PPM1K: variants seen among roughly 807,000 people sequenced by gnomAD.
PPM1K encodes the protein protein phosphatase Mn(2+)-dependent 1K.
In PPM1K, 19 loss-of-function variants were observed where a neutral mutation model predicts 32.6. That is an observed-to-expected ratio of 0.58 (90% CI 0.41 to 0.86). PPM1K has a LOEUF of 0.86. PPM1K is among the 40% of genes least tolerant of loss of function. The probability of loss-of-function intolerance (pLI) is 0.00; values close to 1 mark genes in which losing one functional copy is unlikely to be tolerated. For synonymous variants in PPM1K, 159 were observed against 165.3 expected, an observed-to-expected ratio of 0.96 and a Z score of 0.29; for missense variants, 362 against 461.2, an observed-to-expected ratio of 0.78 and a Z score of 1.97.
chr4:88,281,945 T>C (rs1439902398), intron 1 of PPM1K, among the ~76,000 whole-genome samples: 2 of 151,824 alleles, frequency 1.3e-5, no homozygotes, highest in African/African-American at 4.8e-5. Flanking sequence ...GTAGAACTTG[T>C]GATGTGAAAA....
chr4:88,279,869 T>C (rs529068574), intron 1 of PPM1K, among the ~76,000 whole-genome samples: 2 of 152,224 alleles, frequency 1.3e-5, no homozygotes, highest in Non-Finnish European at 2.9e-5. Flanking sequence ...GTTTAAATTA[T>C]TTCACAATAA....
chr4:88,264,993 TG>T lies in PPM1K; in HGVS notation c.987+7del. ...CTTGGGACTTTTCAGGCAGAAGCTC[TG>T]GGTCACCTGTTCAGTCACCGCATGG... On this transcript the variant is annotated splice_region_variant and intron_variant, in intron 6 of 6. Coordinates refer to ENST00000608933, the MANE Select transcript of PPM1K (RefSeq NM_152542.5). 6.2e-7 allele frequency: 1 copy of T among 1,613,866 alleles called. No individual in the cohort carries two copies. The highest frequency in any genetic ancestry group is 1.7e-4 in the Middle Eastern group (1 of 6,060).
intron 3 of PPM1K, 195 bp downstream of exon 3, chr4:88,276,948 G>A: frequency 1.5e-6 from 1 of 668,976 alleles, no homozygotes; most frequent in South Asian, 4.4e-5. Context: ...TCATTTAAAA[G>A]TGAGGTATTA....
Position 88,278,198 on chromosome 4 carries a change from T to G in PPM1K, c.386A>C (p.His129Pro), listed in dbSNP as rs1731862507. The G allele has an allele frequency of 1.2e-6, 2 of 1,614,122 alleles. No individual in the cohort carries two copies. Residue 129 changes from histidine (H) to proline (P), a missense_variant, in exon 2 of 7, where the codon CAC (histidine) becomes CCC (proline). Physicochemically the swap from His to Pro is moderately conservative, Grantham distance 77. Transcript: ENST00000608933. This position sits in a 1 kb window ranked among gnomAD's most constrained non-coding sequence, Gnocchi z 4.2. Reference sequence around the variant, plus strand: ...GAAATCAGCTGCTGCAGGTCCACCGTGTCCATCATACACTGCAAAGTACAG... The same window carrying G: ...GAAATCAGCTGCTGCAGGTCCACCGGGTCCATCATACACTGCAAAGTACAG... ...EVLYFAVYDG[H>P]GGPAAADFCH...
At chr4:88,270,655 C>T (rs1731524793) in intron 3 of PPM1K, among the ~76,000 whole-genome samples, 1 of 152,146 alleles carries the variant, frequency 6.6e-6, no homozygotes, top group African/African-American at 2.4e-5. Context: ...AAACCATCTA[C>T]AATAGTTTTC....
intron 1 of PPM1K, among the ~76,000 whole-genome samples, chr4:88,282,185 AT>A (rs1257844552): frequency 6.6e-6 from 1 of 152,208 alleles, no homozygotes; most frequent in East Asian, 1.9e-4. Context: ...TTTATAAACC[AT>A]TTTAACATTA....
rs190364060 is a variant in PPM1K at position 88,259,042 on chromosome 4, G to A, written c.*3553C>T. 2,722 of 151,444 alleles carry A rather than the reference G, an allele frequency of 0.018. 36 individuals carry two copies. Among genetic ancestry groups the A allele is most frequent in the East Asian group, 0.033 (169 of 5,150 alleles). 9.4% of individuals were successfully genotyped at this position (151,444 alleles called of 1,614,324 possible). A position where few individuals can be genotyped will look rare whatever the true frequency, so the allele number is the denominator to read the frequency against. On this transcript the variant is annotated 3_prime_UTR_variant, in exon 7 of 7. Transcript: ENST00000608933. ...GCGCAGCTTGCAGTGAGCCGAGATC[G>A]TGCCACTGCACTCCAGCCTGGGTGA...
chr4:88,275,037 G>T, intron 3 of PPM1K: 1 of 795,592 alleles, frequency 1.3e-6, no homozygotes, highest in South Asian at 5.8e-5. Flanking sequence ...GCATCATCTT[G>T]TCTTGCTCCA....
chr4:88,271,980 T>TC (rs1731574681), intron 3 of PPM1K, among the ~76,000 whole-genome samples: 1 of 152,140 alleles, frequency 6.6e-6, no homozygotes, highest in Non-Finnish European at 1.5e-5. Context: ...GCTCTCTCTT[T>TC]CCCCCAGTGT....
rs1731159322 is a variant in PPM1K, at chr4:88,262,577, C to CT, written c.*17dup. ...AGTGAAAAACTGTTGCACAGAAACT[C>CT]TAAGTCCCAGCTGGTAATCAGGCCC... is the stretch of plus-strand genomic sequence containing the variant. On this transcript the variant is annotated 3_prime_UTR_variant, in exon 7 of 7. Coordinates refer to ENST00000608933, the MANE Select transcript of PPM1K (RefSeq NM_152542.5). The CT allele has an allele frequency of 3.1e-6, 5 of 1,612,032 alleles. No individual in the cohort carries two copies. Among genetic ancestry groups the CT allele is most frequent in the Non-Finnish European group, 3.4e-6 (4 of 1,179,178 alleles).
intron 1 of PPM1K, among the ~76,000 whole-genome samples, chr4:88,280,484 G>A (rs1429434545): frequency 6.6e-6 from 1 of 152,216 alleles, no homozygotes; most frequent in Non-Finnish European, 1.5e-5. Flanking sequence ...AATTAACATG[G>A]CCGGACCCGG....
At chr4:88,273,963 T>C (rs1731665894) in intron 3 of PPM1K, among the ~76,000 whole-genome samples, 7 of 152,190 alleles carry the variant, frequency 4.6e-5, no homozygotes, top group Admixed American at 4.6e-4. Context: ...CACTGCCTCC[T>C]CAAGTTCATC....
intron 6 of PPM1K, among the ~76,000 whole-genome samples, chr4:88,263,942 T>A (rs531829938): frequency 3.3e-5 from 5 of 152,298 alleles, no homozygotes; most frequent in African/African-American, 1.2e-4. Context: ...AAAATAAACA[T>A]AAACTAAATT....
At position 88,259,068 on chromosome 4, in the gene PPM1K, CAGAG is replaced by C. The variant is rs1162129429; in HGVS notation, c.*3523_*3526del. On this transcript the variant is annotated 3_prime_UTR_variant, in exon 7 of 7. Transcript: ENST00000608933. ...TGCCACTGCACTCCAGCCTGGGTGA[CAGAG>C]AGAGACTCCTTCTCAAAAAAAAAAA... is the stretch of plus-strand genomic sequence containing the variant. 1 of 147,076 alleles carries C rather than the reference CAGAG, an allele frequency of 6.8e-6. No homozygotes were observed. The highest frequency in any genetic ancestry group is 2.1e-4 in the South Asian group (1 of 4,698). 9.1% of individuals were successfully genotyped at this position (147,076 alleles called of 1,614,324 possible).
intron 5 of PPM1K, 33 bp from the exon 6 acceptor site, chr4:88,265,168 G>T: frequency 6.2e-7 from 1 of 1,613,084 alleles, no homozygotes; most frequent in Non-Finnish European, 8.5e-7. Context: ...ATGATTATAA[G>T]CTAGACTCTG....
At position 88,260,208 on chromosome 4, in the gene PPM1K, C is replaced by A. The variant is rs1024780602; in HGVS notation, c.*2387G>T. 6.6e-6 allele frequency: 1 copy of A among 152,180 alleles called. No individual in the cohort carries two copies. Among genetic ancestry groups the A allele is most frequent in the East Asian group, 1.9e-4 (1 of 5,188 alleles). 9.4% of individuals were successfully genotyped at this position (152,180 alleles called of 1,614,324 possible). A position where few individuals can be genotyped will look rare whatever the true frequency, so the allele number is the denominator to read the frequency against. On this transcript the variant is annotated 3_prime_UTR_variant, in exon 7 of 7. Transcript: ENST00000608933. The stretch of plus-strand genomic sequence containing the variant: ...CTGGGATTACAGGCACCCACCACCA[C>A]GCCTGGCTAATTTTTGCATTTTTTG...
rs545262115 is a variant in PPM1K, at chr4:88,278,140, A to G, written c.440+4T>C. 1.2e-6 allele frequency: 2 copies of G among 1,609,492 alleles called. No homozygotes were observed. Among genetic ancestry groups the G allele is most frequent in the Non-Finnish European group, 1.7e-6 (2 of 1,176,400 alleles). On this transcript the variant is annotated splice_donor_region_variant and intron_variant, in intron 2 of 6. Transcript: ENST00000608933. This position sits in a 1 kb window ranked among gnomAD's most constrained non-coding sequence, Gnocchi z 4.2. ...AAGTCAGGAGTGAAAGTCATTGTAC[A>G]TACATAATACATTTCTCCATGTGGG...
In PPM1K at chr4:88,261,050, AATTTT is replaced by A. The variant is rs1578308467; in HGVS notation, c.*1540_*1544del. ...AGAGCTATGCAAGATTGTTCCCTTT[AATTTT>A]ATATTACTCTAAAATATACATATGT... On this transcript the variant is annotated 3_prime_UTR_variant, in exon 7 of 7. Coordinates refer to ENST00000608933, the MANE Select transcript of PPM1K (RefSeq NM_152542.5). The A allele has an allele frequency of 6.6e-6, 1 of 152,212 alleles. No homozygotes were observed. The highest frequency in any genetic ancestry group is 1.9e-4 in the East Asian group (1 of 5,204). The allele number at this position is 152,212 out of a possible 1,614,324, so 9.4% of individuals were successfully genotyped here. A position where few individuals can be genotyped will look rare whatever the true frequency, so the allele number is the denominator to read the frequency against.
intron 5 of PPM1K, among the ~76,000 whole-genome samples, chr4:88,265,357 G>A (rs1731263770): frequency 1.3e-5 from 2 of 152,214 alleles, no homozygotes; most frequent in Admixed American, 6.5e-5. Flanking sequence ...CTGAATCATG[G>A]CGGTGGGTCT....
Sources: allele counts gnomAD v4.1 joint callset (sites outside exome capture counted in the v4.1 genomes callset), GRCh38; gene constraint gnomAD v4.1.1; non-coding constraint Gnocchi (gnomAD v3.1); transcripts MANE v1.5; gene names NCBI Gene and HGNC (gene_info 2026-07-23, HGNC 2026-07-21).